The following RAB3GAP1 variants were observed in gnomAD, a reference collection of about 807,000 sequenced individuals.
RAB3GAP1 encodes RAB3 GTPase activating protein catalytic subunit 1.
RAB3GAP1 carries 86 observed loss-of-function variants against 130.7 expected under a neutral mutation model. The ratio of observed to expected loss-of-function variants is 0.66; its 90% confidence interval spans 0.55 to 0.79. The LOEUF is 0.79. RAB3GAP1 is among the 30% of genes least tolerant of loss of function. The probability of loss-of-function intolerance (pLI) is 0.00; values close to 1 mark genes in which losing one functional copy is unlikely to be tolerated. For missense variants in RAB3GAP1, 1,029 were observed against 1,169.4 expected (o/e 0.88, Z 1.75); for synonymous variants, 367 against 401.7 (o/e 0.91, Z 1.03).
chr2:135,082,139 C>CTCAA (rs2104860768), intron 3 of RAB3GAP1, among the ~76,000 whole-genome samples: 1 of 105,660 alleles, frequency 9.5e-6, no homozygotes, highest in East Asian at 3.0e-4. Flanking sequence ...AAGACTCTGT[C>CTCAA]TCAATGAATG....
intron 3 of RAB3GAP1, among the ~76,000 whole-genome samples, chr2:135,085,254 G>A (rs1689939565): frequency 6.6e-6 from 1 of 152,024 alleles, no homozygotes; most frequent in Non-Finnish European, 1.5e-5. Context: ...TTAATGTCAG[G>A]TTTTTAAAAT....
intron 11 of RAB3GAP1, among the ~76,000 whole-genome samples, chr2:135,128,514 T>C (rs1691420188): frequency 1.3e-5 from 2 of 152,214 alleles, no homozygotes; most frequent in South Asian, 4.1e-4. Context: ...CTACATATTA[T>C]GTTTACGTAC....
chr2:135,162,304 C>G, intron 19 of RAB3GAP1: 1 of 434,852 alleles, frequency 2.3e-6, no homozygotes. Flanking sequence ...TTTTTATTTT[C>G]TTTGTATTTT....
At chr2:135,084,683 G>A (rs1574094874) in intron 3 of RAB3GAP1, among the ~76,000 whole-genome samples, 1 of 151,998 alleles carries the variant, frequency 6.6e-6, no homozygotes, top group Admixed American at 6.5e-5. Context: ...AGTACCTTTG[G>A]AAGTTACAGG....
intron 5 of RAB3GAP1, among the ~76,000 whole-genome samples, chr2:135,098,920 G>A (rs1467324243): frequency 6.6e-6 from 1 of 152,092 alleles, no homozygotes; most frequent in Non-Finnish European, 1.5e-5. Flanking sequence ...ACTAGTTCTA[G>A]GAGTTGTCAT....
At chr2:135,174,367 CA>C (rs1355596996), downstream of RAB3GAP1, among the ~76,000 whole-genome samples, 3 of 152,224 alleles carry the variant, frequency 2.0e-5, no homozygotes, top group Non-Finnish European at 4.4e-5. Context: ...CCCTCCTCTT[CA>C]GCATGTGCCC....
At chr2:135,078,227 G>A (rs1452768797) in intron 3 of RAB3GAP1, among the ~76,000 whole-genome samples, 5 of 152,066 alleles carry the variant, frequency 3.3e-5, no homozygotes, top group Admixed American at 2.0e-4. Context: ...TGTAACAAGA[G>A]TTTATATTTT....
intron 19 of RAB3GAP1, among the ~76,000 whole-genome samples, chr2:135,159,330 C>T (rs956502823): frequency 2.0e-5 from 3 of 152,206 alleles, no homozygotes; most frequent in African/African-American, 4.8e-5. Flanking sequence ...CCGACTGACA[C>T]TGTCTCAGCC....
intron 17 of RAB3GAP1, among the ~76,000 whole-genome samples, chr2:135,139,072 C>T (rs72978386): frequency 0.045 from 6,906 of 152,074 alleles, 534 homozygotes; most frequent in African/African-American, 0.16. Context: ...TCCTGTGAAT[C>T]GCCTATGATT....
At position 135,109,776 on chromosome 2, in the gene RAB3GAP1, G is replaced by C. The variant is rs149414036; in HGVS notation, c.363-3375G>C. Among the ~76,000 whole-genome samples, 400 of 151,960 alleles carry C rather than the reference G, an allele frequency of 2.6e-3. 1 individual carries two copies. Among genetic ancestry groups the C allele is most frequent in the African/African-American group, 8.8e-3 (364 of 41,444 alleles). ...TTTTTGTATTTTCAGTAGAGATAGG[G>C]TTTCACCATGTTAGCCAGGATGGTC... is the stretch of plus-strand genomic sequence containing the variant. On this transcript the variant is annotated intron_variant, in intron 5 of 23. Transcript: ENST00000264158.
intron 3 of RAB3GAP1, among the ~76,000 whole-genome samples, chr2:135,060,935 C>G (rs2104826333): frequency 6.7e-6 from 1 of 150,330 alleles, no homozygotes; most frequent in South Asian, 2.1e-4. Flanking sequence ...AATTCCTGGC[C>G]TAAAGCAATC....
intron 5 of RAB3GAP1, among the ~76,000 whole-genome samples, chr2:135,106,167 C>G (rs1027088882): frequency 6.6e-6 from 1 of 151,980 alleles, no homozygotes; most frequent in African/African-American, 2.4e-5. Context: ...GCCGCCGCCC[C>G]GTCCGGGAGG....
intron 3 of RAB3GAP1, among the ~76,000 whole-genome samples, chr2:135,083,507 C>T (rs184295859): frequency 6.6e-6 from 1 of 152,050 alleles, no homozygotes; most frequent in Non-Finnish European, 1.5e-5. Flanking sequence ...GTTGCCCAGG[C>T]TGAATTGCAG....
At chr2:135,055,382 T>G (rs1477089790) in intron 2 of RAB3GAP1, among the ~76,000 whole-genome samples, 2 of 152,164 alleles carry the variant, frequency 1.3e-5, no homozygotes, top group Non-Finnish European at 2.9e-5. Context: ...CAATAAGTAT[T>G]TTAAGACATT....
downstream of RAB3GAP1, among the ~76,000 whole-genome samples, chr2:135,172,004 G>T (rs1692867745): frequency 6.6e-6 from 1 of 152,114 alleles, no homozygotes; most frequent in Non-Finnish European, 1.5e-5. Context: ...AGGGGAAGAG[G>T]GGCAGGAAAG....
intron 2 of RAB3GAP1, among the ~76,000 whole-genome samples, chr2:135,057,584 C>A (rs951154828): frequency 1.3e-5 from 2 of 152,098 alleles, no homozygotes; most frequent in African/African-American, 4.8e-5. Context: ...TTGTGCTGGG[C>A]TGGTCTTGAA....
At chr2:135,112,218 C>T (rs1342427469) in intron 5 of RAB3GAP1, among the ~76,000 whole-genome samples, 1 of 152,204 alleles carries the variant, frequency 6.6e-6, no homozygotes, top group African/African-American at 2.4e-5. Context: ...ATGAAACCTA[C>T]AGCCGATACT....
chr2:135,107,098 G>GAA (rs1159826826), intron 5 of RAB3GAP1, among the ~76,000 whole-genome samples: 8 of 93,218 alleles, frequency 8.6e-5, no homozygotes, highest in Admixed American at 1.1e-4. Context: ...CTGAAAGGGA[G>GAA]AAAAAAAAAA....
In RAB3GAP1 at chr2:135,163,981, G is replaced by A. The variant is rs372085878; in HGVS notation, c.2607-613G>A. 2.6e-4 allele frequency among the ~76,000 whole-genome samples: 39 copies of A among 152,288 alleles called. No individual in the cohort carries two copies. The South Asian group carries it at 5.8e-3, about 23-fold the overall frequency. ...AGAATAAGCTCTAATCAAGGGACTC[G>A]TTTCTAAAATAGTAGAGTATGAATT... On this transcript the variant is annotated intron_variant, in intron 22 of 23. Coordinates refer to ENST00000264158, the MANE Select transcript of RAB3GAP1 (RefSeq NM_012233.3).
Sources: allele counts gnomAD v4.1 joint callset (sites outside exome capture counted in the v4.1 genomes callset), GRCh38; gene constraint gnomAD v4.1.1; transcripts MANE v1.5; gene names NCBI Gene and HGNC (gene_info 2026-07-23, HGNC 2026-07-21).